The following TCF4 variants were observed in gnomAD, a reference collection of about 807,000 sequenced individuals.
The protein encoded by TCF4 is transcription factor 4.
Under a neutral mutation model 82.1 loss-of-function variants are expected in TCF4, and 3 were observed. The observed-to-expected ratio is 0.04, with a 90% CI of 0.02 to 0.09. TCF4 has a LOEUF of 0.09. Among genes scored for constraint, TCF4 ranks in the 10% least tolerant of loss-of-function variants. The pLI, the probability that TCF4 is intolerant of heterozygous loss-of-function variation, is 1.00. For synonymous variants in TCF4, 276 were observed against 309.6 expected (o/e 0.89, Z 1.14); for missense variants, 518 against 852.7 (o/e 0.61, Z 4.89).
intron 8 of TCF4, among the ~76,000 whole-genome samples, chr18:55,327,663 T>C (rs777309772): frequency 1.3e-5 from 2 of 152,178 alleles, no homozygotes; most frequent in Non-Finnish European, 2.9e-5. Flanking sequence ...GTAATTCACA[T>C]TGATTACTAA....
intron 5 of TCF4, among the ~76,000 whole-genome samples, chr18:55,411,124 G>C (rs1219378876): frequency 6.6e-6 from 1 of 152,178 alleles, no homozygotes; most frequent in African/African-American, 2.4e-5. Flanking sequence ...TTAGCTGTTT[G>C]GGGAGGTGTG....
intron 15 of TCF4, among the ~76,000 whole-genome samples, chr18:55,235,718 T>C (rs1325547796): frequency 2.6e-5 from 4 of 152,212 alleles, no homozygotes; most frequent in Admixed American, 6.5e-5. Flanking sequence ...CCAAGTATTT[T>C]CTTAGCCTAT....
chr18:55,631,740 G>A (rs1173349952), intron 1 of TCF4, among the ~76,000 whole-genome samples: 1 of 152,192 alleles, frequency 6.6e-6, no homozygotes, highest in Non-Finnish European at 1.5e-5. Context: ...GCCTGTCTTG[G>A]TAGTGGAATT....
At chr18:55,392,200 A>T (rs1230001596) in intron 6 of TCF4, among the ~76,000 whole-genome samples, 1 of 151,338 alleles carries the variant, frequency 6.6e-6, no homozygotes, top group Admixed American at 6.6e-5. Context: ...CCTGTCCTCA[A>T]GTGATCCACC....
chr18:55,481,404 T>C (rs560131585), intron 3 of TCF4, among the ~76,000 whole-genome samples: 3 of 152,348 alleles, frequency 2.0e-5, no homozygotes, highest in Admixed American at 2.0e-4. Context: ...AATTGCTTCA[T>C]TTAACTTTCA....
At chr18:55,256,147 G>A (rs2056771532) in intron 14 of TCF4, among the ~76,000 whole-genome samples, 1 of 152,126 alleles carries the variant, frequency 6.6e-6, no homozygotes. Flanking sequence ...AATCATACAT[G>A]TGCCTATCAC....
chr18:55,417,266 G>A (rs1303450626), intron 5 of TCF4, among the ~76,000 whole-genome samples: 1 of 152,090 alleles, frequency 6.6e-6, no homozygotes, highest in Admixed American at 6.5e-5. Context: ...AAATCTACAG[G>A]TAAAGGTAGA....
At chr18:55,547,171 C>T (rs1447172508) in intron 3 of TCF4, among the ~76,000 whole-genome samples, 1 of 152,248 alleles carries the variant, frequency 6.6e-6, no homozygotes, top group Admixed American at 6.5e-5. Flanking sequence ...GCAAGGAAGA[C>T]TTCCCCTCCC....
intron 15 of TCF4, among the ~76,000 whole-genome samples, chr18:55,252,830 C>T (rs992874136): frequency 3.3e-5 from 5 of 152,084 alleles, no homozygotes; most frequent in Admixed American, 3.3e-4. Flanking sequence ...AGCCAGATTT[C>T]TTAATTAAAA....
At chr18:55,351,786 G>A in intron 6 of TCF4, 1 of 856,470 alleles carries the variant, frequency 1.2e-6, no homozygotes, top group Non-Finnish European at 1.4e-6. Flanking sequence ...AAACTACATA[G>A]AAACTTACCC....
At chr18:55,358,833 A>T (rs920328331) in intron 6 of TCF4, among the ~76,000 whole-genome samples, 5 of 152,182 alleles carry the variant, frequency 3.3e-5, no homozygotes, top group African/African-American at 1.2e-4. Flanking sequence ...AATCTGTCTA[A>T]CCTTGGTGGG....
intron 6 of TCF4, among the ~76,000 whole-genome samples, chr18:55,356,505 G>A (rs898392276): frequency 6.6e-6 from 1 of 152,118 alleles, no homozygotes; most frequent in East Asian, 1.9e-4. Context: ...GCACGCATGA[G>A]CAAACTGCTA....
intron 6 of TCF4, among the ~76,000 whole-genome samples, chr18:55,363,650 AC>A (rs900071106): frequency 2.6e-5 from 4 of 152,116 alleles, no homozygotes; most frequent in African/African-American, 9.7e-5. Context: ...TACTAAAAAT[AC>A]AAAAATTAAC....
chr18:55,513,888 A>C (rs1032782663), intron 3 of TCF4, among the ~76,000 whole-genome samples: 3 of 152,192 alleles, frequency 2.0e-5, no homozygotes, highest in South Asian at 2.1e-4. Context: ...TTGAGGCCAG[A>C]CAGCCAGCAT....
intron 3 of TCF4, among the ~76,000 whole-genome samples, chr18:55,564,045 G>C (rs770872285): frequency 6.6e-6 from 1 of 152,198 alleles, no homozygotes; most frequent in Non-Finnish European, 1.5e-5. Flanking sequence ...CTGAACCAAA[G>C]AGTCTTGATT....
chr18:55,434,462 G>A (rs1486759222), intron 5 of TCF4, among the ~76,000 whole-genome samples: 4 of 131,058 alleles, frequency 3.1e-5, no homozygotes, highest in Admixed American at 1.8e-4. Flanking sequence ...CTGTGTTGCC[G>A]AGGCTAGAGT....
rs147234073 is a variant in TCF4 at position 55,463,835 on chromosome 18, C to G, written c.207+241G>C. ...GTGGAACAGGTGTCAAATTGAATAA[C>G]AGCATCCAATAAGAGAATGGGGGAA... On this transcript the variant is annotated intron_variant, in intron 4 of 19. Coordinates refer to ENST00000354452, the MANE Select transcript of TCF4 (RefSeq NM_001083962.2). Among the ~76,000 whole-genome samples the G allele has an allele frequency of 1.7e-3, 261 of 152,146 alleles. 1 individual carries two copies. The highest frequency in any genetic ancestry group is 6.8e-3 in the Middle Eastern group (2 of 294).
rs375040830 is a variant in TCF4, at chr18:55,449,876, A to G, written c.304+11143T>C. Among the ~76,000 whole-genome samples the G allele has an allele frequency of 7.2e-5, 11 of 152,106 alleles. 1 individual carries two copies. The South Asian group carries it at 1.9e-3, about 26-fold the overall frequency. On this transcript the variant is annotated intron_variant, in intron 5 of 19. Transcript: ENST00000354452. ...GCCCACGAGGGGGTGGCATTTAATT[A>G]ATCACTTCCACGTTCTGCCAGAATT...
At chr18:55,472,516 G>A (rs765459545) in intron 3 of TCF4, among the ~76,000 whole-genome samples, 8 of 152,098 alleles carry the variant, frequency 5.3e-5, no homozygotes, top group Non-Finnish European at 1.0e-4. Context: ...GAAGTTAGTC[G>A]TTTGGGGATC....
Sources: allele counts gnomAD v4.1 joint callset (sites outside exome capture counted in the v4.1 genomes callset), GRCh38; gene constraint gnomAD v4.1.1; transcripts MANE v1.5; gene names NCBI Gene and HGNC (gene_info 2026-07-23, HGNC 2026-07-21).